CADPS2: variants seen among roughly 807,000 people sequenced by gnomAD.
CADPS2 encodes calcium dependent secretion activator 2.
A neutral mutation model predicts 172.5 loss-of-function variants in CADPS2; 93 were observed. That is an observed-to-expected ratio of 0.54 (90% CI 0.46 to 0.64). The LOEUF is 0.64. Among genes scored for constraint, CADPS2 ranks in the 30% least tolerant of loss-of-function variants. The pLI, the probability that CADPS2 is intolerant of heterozygous loss-of-function variation, is 0.00. For synonymous variants in CADPS2, 546 were observed against 555.2 expected (o/e 0.98, Z 0.23); for missense variants, 1,420 against 1,565.9 (o/e 0.91, Z 1.57).
intron 8 of CADPS2, among the ~76,000 whole-genome samples, chr7:122,526,336 C>T (rs2061234436): frequency 6.6e-6 from 1 of 151,858 alleles, no homozygotes; most frequent in African/African-American, 2.4e-5. Context: ...GGATTATAGC[C>T]ATGCACCACC....
intron 6 of CADPS2, among the ~76,000 whole-genome samples, chr7:122,592,618 G>T (rs1236933795): frequency 1.3e-5 from 2 of 152,218 alleles, no homozygotes; most frequent in Non-Finnish European, 1.5e-5. Context: ...ACTGGATTAA[G>T]AAAATGTGGC....
At chr7:122,787,540 C>T (rs1354932324) in intron 1 of CADPS2, among the ~76,000 whole-genome samples, 1 of 152,138 alleles carries the variant, frequency 6.6e-6, no homozygotes, top group Non-Finnish European at 1.5e-5. Context: ...GTTTATTTAC[C>T]TTTACTCTAA....
At chr7:122,729,919 T>C (rs2137464378) in intron 2 of CADPS2, among the ~76,000 whole-genome samples, 1 of 151,822 alleles carries the variant, frequency 6.6e-6, no homozygotes, top group South Asian at 2.1e-4. Flanking sequence ...TTGTTATCAG[T>C]GATTTATAAT....
chr7:122,784,875 A>G (rs1793648844), intron 1 of CADPS2, among the ~76,000 whole-genome samples: 1 of 152,036 alleles, frequency 6.6e-6, no homozygotes, highest in South Asian at 2.1e-4. Flanking sequence ...GGTCAAGAAT[A>G]TTGTCTATTA....
intron 17 of CADPS2, among the ~76,000 whole-genome samples, chr7:122,433,585 T>C (rs545386912): frequency 2.6e-5 from 4 of 152,144 alleles, no homozygotes; most frequent in Admixed American, 2.6e-4. Flanking sequence ...GTATTTTTAG[T>C]AGAGACAGGG....
At chr7:122,428,489 C>T (rs1316881966) in intron 17 of CADPS2, among the ~76,000 whole-genome samples, 6 of 142,732 alleles carry the variant, frequency 4.2e-5, no homozygotes, top group Non-Finnish European at 9.1e-5. Flanking sequence ...TTTTTTGAGA[C>T]GGAGTTTTGC....
chr7:122,594,392 T>C (rs2071413925), intron 6 of CADPS2, among the ~76,000 whole-genome samples: 1 of 152,030 alleles, frequency 6.6e-6, no homozygotes, highest in Non-Finnish European at 1.5e-5. Flanking sequence ...AGAAAAATCC[T>C]GCAAGCTTTA....
intron 1 of CADPS2, among the ~76,000 whole-genome samples, chr7:122,879,618 C>G (rs1478703193): frequency 6.6e-6 from 1 of 152,086 alleles, no homozygotes; most frequent in Non-Finnish European, 1.5e-5. Context: ...CTCATCCTCA[C>G]AAGCAATCAG....
chr7:122,492,458 A>G (rs2058379622), intron 9 of CADPS2, among the ~76,000 whole-genome samples: 2 of 152,070 alleles, frequency 1.3e-5, no homozygotes, highest in Admixed American at 6.5e-5. Flanking sequence ...TCACAAGGCC[A>G]TATTTGAACA....
At chr7:122,352,143 T>C (rs2038757236) in intron 27 of CADPS2, among the ~76,000 whole-genome samples, 1 of 152,206 alleles carries the variant, frequency 6.6e-6, no homozygotes, top group Non-Finnish European at 1.5e-5. Flanking sequence ...TTTAGAGGAA[T>C]AGCTGCTAAT....
chr7:122,807,149 T>G (rs904279682), intron 1 of CADPS2, among the ~76,000 whole-genome samples: 2 of 152,232 alleles, frequency 1.3e-5, no homozygotes, highest in Non-Finnish European at 2.9e-5. Context: ...GGGCATGTGC[T>G]GGTGGCCTAC....
chr7:122,658,508 G>T (rs2080099567), intron 3 of CADPS2, among the ~76,000 whole-genome samples: 1 of 152,174 alleles, frequency 6.6e-6, no homozygotes, highest in Admixed American at 6.5e-5. Flanking sequence ...TGATAGACTG[G>T]ATTAAGAAAA....
chr7:122,332,595 A>G (rs2035159289), intron 28 of CADPS2, among the ~76,000 whole-genome samples: 1 of 152,180 alleles, frequency 6.6e-6, no homozygotes, highest in South Asian at 2.1e-4. Flanking sequence ...ATAGGCACCT[A>G]ATAAATGCTT....
intron 4 of CADPS2, among the ~76,000 whole-genome samples, chr7:122,628,100 T>C (rs1027247632): frequency 2.0e-5 from 3 of 152,158 alleles, no homozygotes; most frequent in African/African-American, 2.4e-5. Flanking sequence ...ATCTAATTCC[T>C]GCTTGGTTCT....
At chr7:122,722,125 C>G (rs559018766) in intron 2 of CADPS2, among the ~76,000 whole-genome samples, 1 of 152,222 alleles carries the variant, frequency 6.6e-6, no homozygotes, top group South Asian at 2.1e-4. Flanking sequence ...CCTTTGAAAA[C>G]TGGCACAACA....
At chr7:122,449,519 G>A (rs796379871) in intron 15 of CADPS2, among the ~76,000 whole-genome samples, 8 of 151,848 alleles carry the variant, frequency 5.3e-5, no homozygotes, top group Non-Finnish European at 7.4e-5. Flanking sequence ...ATGGGGTCTC[G>A]CTACGTTGCC....
intron 13 of CADPS2, 62 bp from the exon 14 acceptor site, chr7:122,471,624 C>A: frequency 1.4e-6 from 2 of 1,396,846 alleles, no homozygotes; most frequent in Non-Finnish European, 1.9e-6. Context: ...ATTTGCTTTC[C>A]TGAACGCACT....
chr7:122,393,021 A>G (rs1299353576), intron 22 of CADPS2, among the ~76,000 whole-genome samples, 175 bp downstream of exon 22: 2 of 152,102 alleles, frequency 1.3e-5, no homozygotes, highest in Non-Finnish European at 2.9e-5. Context: ...GACATTATTC[A>G]TCACAGATAT....
chr7:122,819,347 CTCTG>C (rs1265434716), intron 1 of CADPS2, among the ~76,000 whole-genome samples: 3 of 152,206 alleles, frequency 2.0e-5, no homozygotes, highest in Admixed American at 6.5e-5. Context: ...GCCCAAGGCT[CTCTG>C]TCTGACTCCT....
Sources: gnomAD v4.1 joint callset for allele counts (sites outside exome capture counted in the v4.1 genomes callset) on GRCh38, gnomAD v4.1.1 for gene constraint, MANE v1.5 for transcripts, NCBI Gene and HGNC (gene_info 2026-07-23, HGNC 2026-07-21) for gene names.